The following PKN2 variants were observed in gnomAD, a reference collection of about 807,000 sequenced individuals.
The protein encoded by PKN2 is serine/threonine-protein kinase N2.
In PKN2, 38 loss-of-function variants were observed where a neutral mutation model predicts 119.1. That is an observed-to-expected ratio of 0.32 (90% CI 0.25 to 0.42). The LOEUF is 0.42. Among genes scored for constraint, PKN2 ranks in the 10% least tolerant of loss-of-function variants. The probability of loss-of-function intolerance (pLI) is 1.00; values close to 1 mark genes in which losing one functional copy is unlikely to be tolerated. For missense variants in PKN2, 850 were observed against 1,165.1 expected, an observed-to-expected ratio of 0.73 and a Z score of 3.94; for synonymous variants, 390 against 384.9, an observed-to-expected ratio of 1.01 and a Z score of -0.15.
At position 88,771,503 on chromosome 1, in the gene PKN2, T is replaced by G. The variant is rs1446911635; in HGVS notation, c.705T>G (p.Gly235=). Residue 235 remains glycine (G), a synonymous_variant, in exon 5 of 22, where the codon GGT becomes GGG. Transcript: ENST00000370521. ...GGATAGAGTTTGCAGTAGCAGAAGG[T>G]GCAAAGAATGTAATGAAATTACTTG... ...HFRIEFAVAE[G]AKNVMKLLGS... is the part of the protein sequence containing the mutation. 1 of 1,608,926 alleles carries G rather than the reference T, an allele frequency of 6.2e-7. No homozygotes were observed. The highest frequency in any genetic ancestry group is 8.5e-7 in the Non-Finnish European group (1 of 1,177,786).
chr1:88,724,832 A>C (rs1667830973), intron 1 of PKN2, among the ~76,000 whole-genome samples: 1 of 150,268 alleles, frequency 6.7e-6, no homozygotes, highest in East Asian at 1.9e-4. Context: ...TTGGCCTCCC[A>C]AAGTGTTGGG....
rs1249627790 is a variant in PKN2 at position 88,720,741 on chromosome 1, C to T, written c.49-20247C>T. Among the ~76,000 whole-genome samples, 9 of 152,232 alleles carry T rather than the reference C, an allele frequency of 5.9e-5. No homozygotes were observed. The South Asian group carries it at 1.9e-3, about 32-fold the overall frequency. On this transcript the variant is annotated intron_variant, in intron 1 of 21. Transcript: ENST00000370521. The stretch of plus-strand genomic sequence containing the variant: ...GTGCACCCATCACCAGAGCAGTGTA[C>T]ACTGTACCCAGTGTATGTCTTCTGT...
chr1:88,833,299 A>G lies in PKN2; in HGVS notation c.2806A>G (p.Thr936Ala). Reference protein sequence around the residue: ...DKKVKPPFIPTIRGREDVSNF... With the variant: ...DKKVKPPFIPAIRGREDVSNF... ...AAAAGTAAAGCCACCATTTATACCT[A>G]CCATAAGAGGACGAGAAGATGTTAG... The change falls in exon 22 of 22, where the codon ACC becomes GCC. Residue 936 changes from threonine to alanine, a missense_variant. Physicochemically the swap from Thr to Ala is moderately conservative, Grantham distance 58 (BLOSUM62 0). This residue lies in a region of PKN2 where 95 missense variants were observed against 150.2 expected (regional missense o/e 0.63). Coordinates refer to ENST00000370521, the MANE Select transcript of PKN2 (RefSeq NM_006256.4). The G allele has an allele frequency of 6.2e-7, 1 of 1,613,426 alleles. No individual in the cohort carries two copies. Among genetic ancestry groups the G allele is most frequent in the Non-Finnish European group, 8.5e-7 (1 of 1,179,476 alleles).
chr1:88,720,236 G>A (rs1449555196), intron 1 of PKN2, among the ~76,000 whole-genome samples: 1 of 152,088 alleles, frequency 6.6e-6, no homozygotes, highest in African/African-American at 2.4e-5. Context: ...GCCCAGGCTG[G>A]TCTTGAACTC....
chr1:88,687,394 A>T (rs940469266), intron 1 of PKN2, among the ~76,000 whole-genome samples: 6 of 152,162 alleles, frequency 3.9e-5, no homozygotes, highest in African/African-American at 1.4e-4. Context: ...TCTCATAACT[A>T]ATTTGTTGTG....
Position 88,834,762 on chromosome 1 carries a change from G to C in PKN2, c.*1314G>C, listed in dbSNP as rs2100944269. On this transcript the variant is annotated 3_prime_UTR_variant, in exon 22 of 22. Coordinates refer to ENST00000370521, the MANE Select transcript of PKN2 (RefSeq NM_006256.4). ...TCTGTGGCTTTTTATACTCTTTTAG[G>C]GTTGTCTTTTTACAAACCATGACTT... The C allele has an allele frequency of 6.6e-6, 1 of 152,050 alleles. No individual in the cohort carries two copies. The highest frequency in any genetic ancestry group is 1.5e-5 in the Non-Finnish European group (1 of 67,802). 9.4% of individuals were successfully genotyped at this position (152,050 alleles called of 1,614,324 possible).
intron 1 of PKN2, among the ~76,000 whole-genome samples, chr1:88,734,325 G>GATTT (rs1299285154): frequency 1.3e-5 from 2 of 152,062 alleles, no homozygotes; most frequent in Non-Finnish European, 2.9e-5. Context: ...TTCTTCTTGT[G>GATTT]ATTTTGTAGT....
At chr1:88,686,556 A>T (rs1666110123) in intron 1 of PKN2, among the ~76,000 whole-genome samples, 1 of 152,106 alleles carries the variant, frequency 6.6e-6, no homozygotes, top group Non-Finnish European at 1.5e-5. Context: ...CCAGAAAAAG[A>T]ATAGTTTTTA....
chr1:88,822,274 G>C (rs1468732824), intron 17 of PKN2, among the ~76,000 whole-genome samples: 1 of 152,190 alleles, frequency 6.6e-6, no homozygotes, highest in East Asian at 1.9e-4. Context: ...ATTCATCCTA[G>C]TGAATATTTT....
chr1:88,778,037 G>A (rs983585205), intron 6 of PKN2, among the ~76,000 whole-genome samples: 1 of 152,112 alleles, frequency 6.6e-6, no homozygotes, highest in Non-Finnish European at 1.5e-5. Context: ...TTGCCAATCA[G>A]AAGATCTCTG....
rs757468776 is a variant in PKN2, at chr1:88,833,162, G to T, written c.2751+5G>T. 6.2e-6 allele frequency: 10 copies of T among 1,612,084 alleles called. No individual in the cohort carries two copies. In the East Asian group the frequency reaches 2.0e-4, roughly 32 times the overall value. On this transcript the variant is annotated splice_donor_5th_base_variant and intron_variant, in intron 21 of 21. Transcript: ENST00000370521. ...AAAAAGCACCCATTTTTCCGGGTAA[G>T]TGTGACTATTTAAAATTTTTTATGA... is the stretch of plus-strand genomic sequence containing the variant.
chr1:88,772,002 A>G, intron 6 of PKN2, 123 bp downstream of exon 6: 2 of 654,398 alleles, frequency 3.1e-6, no homozygotes, highest in Non-Finnish European at 5.2e-6. Context: ...ACATAGAATA[A>G]AATTTGTTGT....
intron 6 of PKN2, among the ~76,000 whole-genome samples, chr1:88,782,904 C>G (rs959602495): frequency 3.3e-5 from 5 of 152,118 alleles, no homozygotes; most frequent in Admixed American, 3.3e-4. Flanking sequence ...TATAAATGTT[C>G]TTGAGCTTTG....
At chr1:88,828,867 TTA>T in intron 19 of PKN2, 1 of 573,294 alleles carries the variant, frequency 1.7e-6, no homozygotes, top group Non-Finnish European at 3.1e-6. Flanking sequence ...TGTACTTTTA[TTA>T]TGTTTTCTGA....
chr1:88,725,090 G>T (rs1022303454), intron 1 of PKN2, among the ~76,000 whole-genome samples: 2 of 151,904 alleles, frequency 1.3e-5, no homozygotes, highest in Non-Finnish European at 2.9e-5. Flanking sequence ...ATGCTGTTTT[G>T]TGAATATGCC....
chr1:88,703,010 T>C (rs923946289), intron 1 of PKN2, among the ~76,000 whole-genome samples: 5 of 152,172 alleles, frequency 3.3e-5, no homozygotes, highest in Admixed American at 2.6e-4. Context: ...TGAGAGAGCA[T>C]TTCCCTGATG....
At chr1:88,799,944 A>G (rs531537986) in intron 8 of PKN2, among the ~76,000 whole-genome samples, 30 of 152,306 alleles carry the variant, frequency 2.0e-4, no homozygotes, top group Non-Finnish European at 3.7e-4. Context: ...TTGAAGACCA[A>G]TATCATCGCT....
At chr1:88,702,027 G>A (rs999053393) in intron 1 of PKN2, among the ~76,000 whole-genome samples, 12 of 151,924 alleles carry the variant, frequency 7.9e-5, no homozygotes, top group African/African-American at 2.9e-4. Context: ...GGCGCAATCC[G>A]GGCTCACTGC....
rs570550275 is a variant in PKN2 at position 88,789,112 on chromosome 1, G to A, written c.1281+2899G>A. 5.3e-5 allele frequency among the ~76,000 whole-genome samples: 8 copies of A among 152,268 alleles called. No homozygotes were observed. The East Asian group carries it at 1.2e-3, about 22-fold the overall frequency. On this transcript the variant is annotated intron_variant, in intron 8 of 21. Coordinates refer to ENST00000370521, the MANE Select transcript of PKN2 (RefSeq NM_006256.4). ...AGCAGAACTATAGAAAATGTCGACC[G>A]ATCACTGGGAAAGGAGGGAAAGAGA...
Sources: gnomAD v4.1 joint callset for allele counts (sites outside exome capture counted in the v4.1 genomes callset) on GRCh38, gnomAD v4.1.1 for gene constraint, gnomAD v4.1.1 regional missense constraint, MANE v1.5 for transcripts, NCBI Gene and HGNC (gene_info 2026-07-23, HGNC 2026-07-21) for gene names.